Variants in DMD observed in about 807,000 individuals in gnomAD.
DMD encodes the protein mutant dystrophin.
Under a neutral mutation model 330.1 loss-of-function variants are expected in DMD, and 63 were observed. The ratio of observed to expected loss-of-function variants is 0.19; its 90% CI spans 0.16 to 0.24. The LOEUF (loss-of-function observed/expected upper bound fraction) is 0.24, where lower values mean the gene tolerates loss of function less well. Among genes scored for constraint, DMD ranks in the 10% least tolerant of loss-of-function variants. DMD has a pLI of 1.00. For missense variants in DMD, 3,344 were observed against 2,684.1 expected (o/e 1.25, Z -5.43); for synonymous variants, 1,223 against 959.8 (o/e 1.27, Z -5.07).
intron 1 of DMD, among the ~76,000 whole-genome samples, chrX:33,172,125 T>C (rs1312980490): frequency 9.0e-6 from 1 of 111,259 alleles, no homozygotes; most frequent in Non-Finnish European, 1.9e-5. Context: ...AAACCTTTAT[T>C]GAGTGTCTAT....
At chrX:31,553,720 T>C (rs1261848741) in intron 55 of DMD, among the ~76,000 whole-genome samples, 1 of 112,474 alleles carries the variant, frequency 8.9e-6, no homozygotes, top group African/African-American at 3.2e-5. Flanking sequence ...AGGTGAGCAA[T>C]AGCTACTCTT....
intron 60 of DMD, among the ~76,000 whole-genome samples, chrX:31,404,125 T>C (rs1177892300): frequency 1.8e-5 from 2 of 110,312 alleles, no homozygotes; most frequent in African/African-American, 6.6e-5. Context: ...AGTAACCCCA[T>C]GGGAAGAAAC....
At chrX:32,266,840 T>C (rs2097346526) in intron 43 of DMD, among the ~76,000 whole-genome samples, 1 of 112,145 alleles carries the variant, frequency 8.9e-6, no homozygotes, top group African/African-American at 3.2e-5. Flanking sequence ...TTTCATGTTT[T>C]ACATACACCA....
intron 65 of DMD, among the ~76,000 whole-genome samples, chrX:31,207,197 A>G (rs1201656589): frequency 8.9e-6 from 1 of 111,768 alleles, no homozygotes; most frequent in African/African-American, 3.2e-5. Flanking sequence ...AACACATAAT[A>G]TAGAATATAA....
Position 32,470,740 on chromosome X carries a change from G to C in DMD, c.2949+1424C>G, listed in dbSNP as rs764465118. Among the ~76,000 whole-genome samples the C allele has an allele frequency of 8.9e-4, 99 of 111,348 alleles. 1 individual carries two copies. The highest frequency in any genetic ancestry group is 1.3e-3 in the Non-Finnish European group (69 of 53,100). On this transcript the variant is annotated intron_variant, in intron 22 of 78. Coordinates refer to ENST00000357033, the MANE Select transcript of DMD (RefSeq NM_004006.3). ...ACAGCTACCATTTGGTATTGTAGTA[G>C]AATAAATATCTAAATAGGACAATAC... is the stretch of plus-strand genomic sequence containing the variant.
At chrX:32,584,397 C>A (rs1382100227) in intron 13 of DMD, among the ~76,000 whole-genome samples, 17 of 111,426 alleles carry the variant, frequency 1.5e-4, no homozygotes, top group African/African-American at 5.2e-4. Context: ...TGCATATACC[C>A]AATGATTAAG....
intron 11 of DMD, among the ~76,000 whole-genome samples, chrX:32,623,816 C>T (rs894537461): frequency 1.1e-4 from 12 of 111,791 alleles, no homozygotes; most frequent in Admixed American, 6.6e-4. Flanking sequence ...CGTGAGCCAC[C>T]GCACCTAGCT....
intron 2 of DMD, among the ~76,000 whole-genome samples, chrX:32,858,147 A>AG (rs2149066655): frequency 8.9e-6 from 1 of 111,846 alleles, no homozygotes; most frequent in East Asian, 2.8e-4. Context: ...GCTTCTCAGA[A>AG]TATTCTACCA....
At chrX:31,207,531 T>C in intron 65 of DMD, among the ~76,000 whole-genome samples, 1 of 112,309 alleles carries the variant, frequency 8.9e-6, no homozygotes, top group Middle Eastern at 4.6e-3. Flanking sequence ...ATATACACTA[T>C]GGAATACCAT....
intron 9 of DMD, among the ~76,000 whole-genome samples, chrX:32,652,429 C>T (rs1280150277): frequency 9.2e-6 from 1 of 108,901 alleles, no homozygotes; most frequent in African/African-American, 3.3e-5. Flanking sequence ...GAATGATGGT[C>T]TCCAGCTTCA....
intron 76 of DMD, among the ~76,000 whole-genome samples, chrX:31,142,988 A>G (rs1602111312): frequency 8.9e-6 from 1 of 112,292 alleles, no homozygotes; most frequent in South Asian, 3.7e-4. Context: ...TCGGGGTTGC[A>G]TATTTAAAGA....
intron 9 of DMD, among the ~76,000 whole-genome samples, chrX:32,688,694 G>T (rs917170383): frequency 9.0e-6 from 1 of 111,396 alleles, no homozygotes; most frequent in Non-Finnish European, 1.9e-5. Flanking sequence ...AATAGCATAT[G>T]CAGGTCCCAC....
intron 7 of DMD, among the ~76,000 whole-genome samples, chrX:32,797,996 C>T (rs2076296469): frequency 1.8e-5 from 2 of 111,611 alleles, no homozygotes; most frequent in African/African-American, 6.5e-5. Flanking sequence ...GAAACTCTTA[C>T]TTAACTAAAG....
chrX:32,399,578 T>C (rs2098071270), intron 30 of DMD, among the ~76,000 whole-genome samples: 1 of 110,898 alleles, frequency 9.0e-6, no homozygotes, highest in African/African-American at 3.3e-5. Context: ...AAACAAGCAA[T>C]AACAAATGTT....
chrX:32,564,586 T>G (rs976157441), intron 16 of DMD, among the ~76,000 whole-genome samples: 3 of 111,829 alleles, frequency 2.7e-5, no homozygotes, highest in African/African-American at 9.8e-5. Context: ...ACAAATGGAG[T>G]TTTTATTATG....
At chrX:32,803,176 T>C (rs1450949105) in intron 7 of DMD, among the ~76,000 whole-genome samples, 2 of 111,933 alleles carry the variant, frequency 1.8e-5, no homozygotes, top group Non-Finnish European at 3.8e-5. Flanking sequence ...GGATTTGACT[T>C]CTTCCTGGTT....
chrX:31,624,119 T>A (rs1363755144), intron 55 of DMD, among the ~76,000 whole-genome samples: 1 of 111,913 alleles, frequency 8.9e-6, no homozygotes, highest in Non-Finnish European at 1.9e-5. Context: ...ACGAATATAG[T>A]TTTTTTATTT....
chrX:32,216,925 C>A lies in DMD; in HGVS notation c.6429G>T (p.Trp2143Cys). Reference sequence around the variant, plus strand: ...CAAATCAAAGACTTACCTTAAGATACCATTTGTATTTAGCATGTTCCCAAT... The same window carrying A: ...CAAATCAAAGACTTACCTTAAGATAACATTTGTATTTAGCATGTTCCCAAT... The part of the protein sequence containing the change: ...PENWEHAKYK[W>C]YLKELQDGIG... Residue 2143 changes from tryptophan (W) to cysteine (C), a missense_variant, in exon 44 of 79, where the codon TGG (tryptophan) becomes TGT (cysteine). Coordinates refer to ENST00000357033, the MANE Select transcript of DMD (RefSeq NM_004006.3). 8.3e-7 allele frequency: 1 copy of A among 1,208,631 alleles called. No homozygotes were observed. The highest frequency in any genetic ancestry group is 1.1e-6 in the Non-Finnish European group (1 of 893,372).
At chrX:32,258,763 G>A in intron 43 of DMD, among the ~76,000 whole-genome samples, 1 of 110,828 alleles carries the variant, frequency 9.0e-6, no homozygotes, top group Middle Eastern at 4.6e-3. Flanking sequence ...GTACACCTAT[G>A]CAACAAACCT....
Sources: gnomAD v4.1 joint callset for allele counts (sites outside exome capture counted in the v4.1 genomes callset) on GRCh38, gnomAD v4.1.1 for gene constraint, MANE v1.5 for transcripts, NCBI Gene and HGNC (gene_info 2026-07-23, HGNC 2026-07-21) for gene names.